The following PASK variants were observed in gnomAD, a reference collection of about 807,000 sequenced individuals.
PASK encodes the protein PAS domain-containing serine/threonine-protein kinase.
Under a neutral mutation model 121.0 loss-of-function variants are expected in PASK, and 110 were observed. That is an observed-to-expected ratio of 0.91 (90% CI 0.78 to 1.06). The LOEUF (loss-of-function observed/expected upper bound fraction) is 1.06. Ranked by LOEUF, PASK falls within the 50% of genes least tolerant of loss-of-function variation. The probability of loss-of-function intolerance (pLI) is 0.00; values close to 1 mark genes in which losing one functional copy is unlikely to be tolerated. For missense variants in PASK, 1,643 were observed against 1,702.3 expected (o/e 0.97, Z 0.61); for synonymous variants, 686 against 717.8 (o/e 0.96, Z 0.71).
At chr2:241,150,166 G>A, upstream of PASK, 1 of 1,271,090 alleles carries the variant, frequency 7.9e-7, no homozygotes, top group East Asian at 3.4e-5. Context: ...TCAAGCCCAG[G>A]GCGTCTCTCC....
intron 9 of PASK, among the ~76,000 whole-genome samples, chr2:241,128,357 G>A (rs2065972117): frequency 2.6e-5 from 4 of 152,172 alleles, no homozygotes; most frequent in Admixed American, 2.6e-4. Context: ...CTAAGAGGTG[G>A]CACACAATGT....
intron 1 of PASK, among the ~76,000 whole-genome samples, chr2:241,144,953 G>A (rs1465329075): frequency 2.6e-5 from 4 of 152,050 alleles, no homozygotes; most frequent in Non-Finnish European, 4.4e-5. Flanking sequence ...TCGCTGTGTC[G>A]CCCAGGGTGG....
intron 3 of PASK, among the ~76,000 whole-genome samples, 162 bp from the exon 4 acceptor site, chr2:241,140,217 TGCAGCGGCGCAATCAGAGCTCA>T (rs2066639960): frequency 9.2e-6 from 1 of 108,186 alleles, no homozygotes; most frequent in African/African-American, 4.5e-5. Context: ...CAGAGCTCAC[TGCAGCGGCGCAATCAGAGCTCA>T]CTGCAACCTT....
At position 241,108,555 on chromosome 2, in the gene PASK, C is replaced by T; in HGVS notation, c.3534-255G>A. ...GGCTAATCAGGAACTTCCTTGTGGA[C>T]ACCAACCACAAGACGTGTCTACCAG... On this transcript the variant is annotated intron_variant, in intron 15 of 17. Coordinates refer to ENST00000234040, the MANE Select transcript of PASK (RefSeq NM_015148.4). The surrounding 1 kb of genome is among the most constrained non-coding windows in gnomAD (Gnocchi z 5.2). 1 of 553,282 alleles carries T rather than the reference C, an allele frequency of 1.8e-6. No homozygotes were observed. Among genetic ancestry groups the T allele is most frequent in the East Asian group, 3.2e-5 (1 of 31,148 alleles). The allele number at this position is 553,282 out of a possible 1,614,324, so 34.3% of individuals were successfully genotyped here.
chr2:241,129,703 G>A (rs2066036204), intron 9 of PASK, among the ~76,000 whole-genome samples: 1 of 152,228 alleles, frequency 6.6e-6, no homozygotes, highest in African/African-American at 2.4e-5. Flanking sequence ...TCCTCCAGCT[G>A]CCCTGGCAGC....
At position 241,115,381 on chromosome 2, in the gene PASK, G is replaced by T; in HGVS notation, c.3105C>A (p.Val1035=). ...GATCCTCAATCCAACAATCCTCCAA[G>T]ACCTTCTCCTTCTTAATAAACTTCA... is the stretch of plus-strand genomic sequence containing the variant. The part of the protein sequence containing the change: ...VVVKFIKKEK[V]LEDCWIEDPK... The change falls in exon 13 of 18, where the codon GTC becomes GTA. Residue 1035 remains valine (V), a synonymous_variant. Coordinates refer to ENST00000234040, the MANE Select transcript of PASK (RefSeq NM_015148.4). The T allele has an allele frequency of 6.2e-7, 1 of 1,613,692 alleles. No homozygotes were observed. The highest frequency in any genetic ancestry group is 8.5e-7 in the Non-Finnish European group (1 of 1,179,726).
intron 6 of PASK, 52 bp from the exon 7 acceptor site, chr2:241,137,316 C>A (rs767169924): frequency 5.3e-6 from 8 of 1,523,208 alleles, no homozygotes; most frequent in Non-Finnish European, 7.3e-6. Context: ...GTGGACAGAG[C>A]ACTGAGTCTG....
intron 11 of PASK, 130 bp downstream of exon 11, chr2:241,123,819 A>T: frequency 1.3e-6 from 1 of 771,640 alleles, no homozygotes; most frequent in Non-Finnish European, 2.1e-6. Flanking sequence ...ACTCCGTCCC[A>T]GAAAAAAAAA....
chr2:241,112,324 G>T lies in PASK; in HGVS notation c.3449C>A (p.Ala1150Asp). 6.2e-7 allele frequency: 1 copy of T among 1,613,558 alleles called. No individual in the cohort carries two copies. The highest frequency in any genetic ancestry group is 2.2e-5 in the East Asian group (1 of 44,836). Residue 1150 changes from alanine to aspartate, a missense_variant, in exon 15 of 18, where the codon GCC becomes GAC. Physicochemically the swap from Ala to Asp is moderately radical, Grantham distance 126 (BLOSUM62 -2). Around this residue, in one of 3 missense-constraint regions of PASK, gnomAD observed 453 missense variants for 511.2 expected, o/e 0.89. Coordinates refer to ENST00000234040, the MANE Select transcript of PASK (RefSeq NM_015148.4). This position sits in a 1 kb window ranked among gnomAD's most constrained non-coding sequence, Gnocchi z 5.2. ...FTIKLIDFGSAAYLERGKLFY... is the reference protein window; with the variant it reads ...FTIKLIDFGSDAYLERGKLFY... ...TAATTTTCCCCTTTCCAAGTAGGCGGCCGAGCCAAAGTCTATCAGCTTGAT... is the reference window on the plus strand; with the variant it reads ...TAATTTTCCCCTTTCCAAGTAGGCGTCCGAGCCAAAGTCTATCAGCTTGAT...
At chr2:241,123,149 G>A (rs112847895) in intron 11 of PASK, among the ~76,000 whole-genome samples, 1 of 151,482 alleles carries the variant, frequency 6.6e-6, no homozygotes, top group Non-Finnish European at 1.5e-5. Flanking sequence ...CATATACATG[G>A]GCCTAGGCAG....
chr2:241,127,650 A>C (rs1311970419), intron 9 of PASK, 199 bp from the exon 10 acceptor site: 2 of 619,028 alleles, frequency 3.2e-6, no homozygotes, highest in African/African-American at 3.7e-5. Context: ...CCACATTTAG[A>C]AATGATTTTG....
chr2:241,107,032 G>A (rs548329329), intron 17 of PASK, among the ~76,000 whole-genome samples: 5 of 152,192 alleles, frequency 3.3e-5, no homozygotes, highest in Non-Finnish European at 7.4e-5. Context: ...CCTCCCCTTC[G>A]GCCCAGTCAG....
chr2:241,123,736 T>A (rs1456918636), intron 11 of PASK, among the ~76,000 whole-genome samples: 2 of 151,314 alleles, frequency 1.3e-5, no homozygotes, highest in East Asian at 3.9e-4. Flanking sequence ...GCGAATCACT[T>A]GAACCCGGGA....
At chr2:241,111,014 G>A (rs571682908) in intron 15 of PASK, among the ~76,000 whole-genome samples, 20 of 152,362 alleles carry the variant, frequency 1.3e-4, no homozygotes, top group East Asian at 7.7e-4. Context: ...AGAGGTTGGC[G>A]CAGGCTGAGG....
intron 9 of PASK, among the ~76,000 whole-genome samples, 153 bp downstream of exon 9, chr2:241,132,721 A>G (rs375066075): frequency 6.6e-5 from 10 of 152,082 alleles, no homozygotes; most frequent in African/African-American, 1.9e-4. Context: ...CCCAGCAGTC[A>G]GTGTGTGTGG....
intron 12 of PASK, among the ~76,000 whole-genome samples, chr2:241,116,751 C>T (rs2065388283): frequency 6.6e-6 from 1 of 152,212 alleles, no homozygotes. Context: ...GGTCGCCCAA[C>T]ACAACGCCTG....
chr2:241,132,718 G>A (rs1005442723), intron 9 of PASK, among the ~76,000 whole-genome samples, 156 bp downstream of exon 9: 1 of 152,106 alleles, frequency 6.6e-6, no homozygotes, highest in Non-Finnish European at 1.5e-5. Flanking sequence ...AAACCCAGCA[G>A]TCAGTGTGTG....
rs771635795 is a variant in PASK at position 241,106,775 on chromosome 2, A to G, written c.3815-52T>C. On this transcript the variant is annotated intron_variant, in intron 17 of 17. Coordinates refer to ENST00000234040, the MANE Select transcript of PASK (RefSeq NM_015148.4). Reference sequence around the variant, plus strand: ...CACGTGCTAACAACTTAAGGTTCTAAAATACTTTGCTTCTCACTTGAAGAA... The same window carrying G: ...CACGTGCTAACAACTTAAGGTTCTAGAATACTTTGCTTCTCACTTGAAGAA... The G allele has an allele frequency of 9.5e-6, 15 of 1,576,286 alleles. No homozygotes were observed. In the Admixed American group the frequency reaches 2.3e-4, roughly 25 times the overall value.
At chr2:241,136,937 G>A in intron 7 of PASK, 67 bp downstream of exon 7, 2 of 1,475,194 alleles carry the variant, frequency 1.4e-6, no homozygotes, top group Non-Finnish European at 1.9e-6. Flanking sequence ...CCACACGCAA[G>A]CCCGCACTGC....
Sources: allele counts gnomAD v4.1 joint callset (sites outside exome capture counted in the v4.1 genomes callset), GRCh38; gene constraint gnomAD v4.1.1; regional missense constraint gnomAD v4.1.1; non-coding constraint Gnocchi (gnomAD v3.1); transcripts MANE v1.5; gene names NCBI Gene and HGNC (gene_info 2026-07-23, HGNC 2026-07-21).